FGF1: variants seen among roughly 807,000 people sequenced by gnomAD.
FGF1 encodes the protein beta-endothelial cell growth factor.
In FGF1, 9 loss-of-function variants were observed where a neutral mutation model predicts 13.4. The ratio of observed to expected loss-of-function variants is 0.67; its 90% CI spans 0.40 to 1.17. The LOEUF (loss-of-function observed/expected upper bound fraction) is 1.17. FGF1 is among the 50% of genes most tolerant of loss of function. The probability of loss-of-function intolerance (pLI) is 0.01; values close to 1 mark genes in which losing one functional copy is unlikely to be tolerated. For synonymous variants in FGF1, 93 were observed against 79.0 expected, an observed-to-expected ratio of 1.18 and a Z score of -0.94; for missense variants, 156 against 192.7, an observed-to-expected ratio of 0.81 and a Z score of 1.13.
chr5:142,667,361 C>T (rs1428581389), intron 1 of FGF1, among the ~76,000 whole-genome samples: 1 of 151,158 alleles, frequency 6.6e-6, no homozygotes, highest in East Asian at 2.0e-4. Flanking sequence ...CCGAGGTGGG[C>T]GGGTCATGAG....
intron 2 of FGF1, among the ~76,000 whole-genome samples, chr5:142,695,869 T>C (rs1753036631): frequency 6.6e-6 from 1 of 152,216 alleles, no homozygotes; most frequent in South Asian, 2.1e-4. Context: ...AATGCCATTC[T>C]GATTCAGAGA....
intron 1 of FGF1, among the ~76,000 whole-genome samples, chr5:142,627,519 C>T (rs75566340): frequency 2.0e-5 from 3 of 152,292 alleles, no homozygotes; most frequent in East Asian, 1.9e-4. Context: ...TCCCAGCATG[C>T]GGGTTTGTGT....
chr5:142,693,037 A>G lies in FGF1; in HGVS notation c.-35+4585T>C, dbSNP rs537629224. Among the ~76,000 whole-genome samples, 93 of 152,232 alleles carry G rather than the reference A, an allele frequency of 6.1e-4. 1 individual carries two copies. Among genetic ancestry groups the G allele is most frequent in the Non-Finnish European group, 1.1e-3 (73 of 68,028 alleles). On this transcript the variant is annotated intron_variant, in intron 2 of 4. Transcript: ENST00000407758. ...AAAATAAAGTAGTGAGACTGATTCT[A>G]AAAAATCTAAAATGTCTGTCCAGGA...
At chr5:142,657,412 C>A (rs1364455829) in intron 1 of FGF1, among the ~76,000 whole-genome samples, 1 of 152,138 alleles carries the variant, frequency 6.6e-6, no homozygotes, top group Non-Finnish European at 1.5e-5. Flanking sequence ...ATGTCAGCAC[C>A]CCCCCAACAC....
rs1754651044 is a variant in FGF1 at position 142,593,437 on chromosome 5, T to C, written c.*1853A>G. On this transcript the variant is annotated 3_prime_UTR_variant, in exon 4 of 4. Transcript: ENST00000337706. ...AGCTTACTTAGGTCAATTCTTCAAT[T>C]GCACTATTGCTTTGAACTTTCACAA... 6.6e-6 allele frequency: 1 copy of C among 152,250 alleles called. No homozygotes were observed. Among genetic ancestry groups the C allele is most frequent in the Non-Finnish European group, 1.5e-5 (1 of 68,026 alleles). 9.4% of individuals were successfully genotyped at this position (152,250 alleles called of 1,614,324 possible).
intron 1 of FGF1, among the ~76,000 whole-genome samples, chr5:142,684,488 C>G (rs2152058303): frequency 6.6e-6 from 1 of 152,342 alleles, no homozygotes; most frequent in Middle Eastern, 3.4e-3. Flanking sequence ...TTCACACTAA[C>G]AAAGGCAGGG....
At chr5:142,666,221 C>T (rs1281646843) in intron 1 of FGF1, among the ~76,000 whole-genome samples, 1 of 56,160 alleles carries the variant, frequency 1.8e-5, no homozygotes, top group Non-Finnish European at 3.4e-5. Flanking sequence ...CGAAAAAGGA[C>T]TTTTCCCTGG....
At chr5:142,665,909 A>G (rs994032030) in intron 1 of FGF1, among the ~76,000 whole-genome samples, 1 of 152,062 alleles carries the variant, frequency 6.6e-6, no homozygotes, top group Non-Finnish European at 1.5e-5. Context: ...TCTCATGAGC[A>G]CTCAAGATGG....
chr5:142,618,878 T>G (rs1287223097), intron 1 of FGF1, among the ~76,000 whole-genome samples: 1 of 151,712 alleles, frequency 6.6e-6, no homozygotes, highest in Non-Finnish European at 1.5e-5. Flanking sequence ...GACTGTGATG[T>G]GTTAAGAATC....
At chr5:142,614,802 G>C (rs1382031807) in intron 1 of FGF1, among the ~76,000 whole-genome samples, 2 of 152,104 alleles carry the variant, frequency 1.3e-5, no homozygotes, top group South Asian at 2.1e-4. Context: ...GGTTTTTAAA[G>C]GGCAAATACC....
intron 1 of FGF1, among the ~76,000 whole-genome samples, chr5:142,619,684 T>G (rs1761093802): frequency 6.6e-6 from 1 of 151,922 alleles, no homozygotes; most frequent in South Asian, 2.1e-4. Flanking sequence ...AAATACAAAA[T>G]TAGCCGGGCA....
chr5:142,659,504 A>G (rs755489004), intron 1 of FGF1, among the ~76,000 whole-genome samples: 3 of 152,136 alleles, frequency 2.0e-5, no homozygotes, highest in African/African-American at 4.8e-5. Flanking sequence ...TACAGGTGTG[A>G]GCCACTGCGC....
chr5:142,606,404 C>T (rs1009076754), intron 2 of FGF1, among the ~76,000 whole-genome samples: 2 of 150,210 alleles, frequency 1.3e-5, no homozygotes, highest in African/African-American at 4.9e-5. Context: ...ATCACGAGGT[C>T]AGAAGATCAA....
At chr5:142,675,231 C>T (rs1367277886) in intron 1 of FGF1, among the ~76,000 whole-genome samples, 2 of 152,170 alleles carry the variant, frequency 1.3e-5, no homozygotes, top group Non-Finnish European at 2.9e-5. Flanking sequence ...AAGAGGTCCA[C>T]CTTCTGTACA....
chr5:142,619,422 C>T (rs1761025120), intron 1 of FGF1, among the ~76,000 whole-genome samples: 1 of 152,194 alleles, frequency 6.6e-6, no homozygotes, highest in South Asian at 2.1e-4. Context: ...CAAATATGCT[C>T]TAAGTCCTTG....
At position 142,593,267 on chromosome 5, in the gene FGF1, G is replaced by A. The variant is rs927418647; in HGVS notation, c.*2023C>T. ...GGCCAAATCTTCATACTAAAGAGAC[G>A]TTAAGCCACACTGCATTTTCTCTAA... On this transcript the variant is annotated 3_prime_UTR_variant, in exon 4 of 4. Transcript: ENST00000337706. 1 of 152,088 alleles carries A rather than the reference G, an allele frequency of 6.6e-6. No individual in the cohort carries two copies. Among genetic ancestry groups the A allele is most frequent in the Non-Finnish European group, 1.5e-5 (1 of 68,010 alleles). The allele number at this position is 152,088 out of a possible 1,614,324, so 9.4% of individuals were successfully genotyped here.
At chr5:142,642,599 C>T (rs926632037) in intron 1 of FGF1, among the ~76,000 whole-genome samples, 17 of 152,318 alleles carry the variant, frequency 1.1e-4, no homozygotes, top group Middle Eastern at 6.8e-3. Flanking sequence ...GGGTGGCATA[C>T]GGTATGCCAA....
chr5:142,644,804 T>C (rs1765742244), intron 1 of FGF1, among the ~76,000 whole-genome samples: 1 of 152,084 alleles, frequency 6.6e-6, no homozygotes, highest in African/African-American at 2.4e-5. Context: ...ATGGGCAGAG[T>C]GCATGGCACA....
chr5:142,604,474 G>T (rs958438511), intron 2 of FGF1, among the ~76,000 whole-genome samples: 3 of 152,166 alleles, frequency 2.0e-5, no homozygotes, highest in African/African-American at 7.2e-5. Context: ...ATTAAAGAGT[G>T]TGGGCTCCAG....
Sources: allele counts gnomAD v4.1 joint callset (sites outside exome capture counted in the v4.1 genomes callset), GRCh38; gene constraint gnomAD v4.1.1; transcripts MANE v1.5; gene names NCBI Gene and HGNC (gene_info 2026-07-23, HGNC 2026-07-21).